The following KIZ variants were observed in gnomAD, a reference collection of about 807,000 sequenced individuals.
KIZ encodes the protein centrosomal protein kizuna.
In KIZ, 68 loss-of-function variants were observed where a neutral mutation model predicts 79.6. The observed-to-expected ratio is 0.85, with a 90% CI of 0.70 to 1.05. KIZ has a LOEUF of 1.05. KIZ is among the 50% of genes least tolerant of loss of function. KIZ has a pLI of 0.00. For synonymous variants in KIZ, 280 were observed against 281.8 expected, an observed-to-expected ratio of 0.99 and a Z score of 0.06; for missense variants, 797 against 800.4, an observed-to-expected ratio of 1.00 and a Z score of 0.05.
chr20:21,224,938 C>T lies in KIZ; in HGVS notation c.1679-4073C>T, dbSNP rs560350116. ...CACCTCTTTATTCAGCATGTTTTCA[C>T]TTTCTTTCTGTAGCTGTTTCTATTT... On this transcript the variant is annotated intron_variant, in intron 9 of 12. Transcript: ENST00000619189. Among the ~76,000 whole-genome samples, 5 of 152,238 alleles carry T rather than the reference C, an allele frequency of 3.3e-5. No homozygotes were observed. In the South Asian group the frequency reaches 1.0e-3, roughly 32 times the overall value.
chr20:21,160,100 G>A (rs1054380404), intron 4 of KIZ, among the ~76,000 whole-genome samples: 4 of 152,192 alleles, frequency 2.6e-5, no homozygotes, highest in African/African-American at 9.7e-5. Flanking sequence ...CATACCAGAA[G>A]CAGGACTCAG....
At chr20:21,190,180 A>G (rs767709367) in intron 6 of KIZ, among the ~76,000 whole-genome samples, 9 of 152,190 alleles carry the variant, frequency 5.9e-5, no homozygotes, top group Non-Finnish European at 1.2e-4. Flanking sequence ...TTCTAGTTAC[A>G]TGCTTAGATT....
At chr20:21,200,631 A>G (rs1418899998) in intron 6 of KIZ, among the ~76,000 whole-genome samples, 1 of 151,852 alleles carries the variant, frequency 6.6e-6, no homozygotes, top group South Asian at 2.1e-4. Flanking sequence ...TAAGAATCTA[A>G]TGCTCCCCCT....
chr20:21,207,765 G>A (rs1362309656), intron 7 of KIZ, among the ~76,000 whole-genome samples: 1 of 152,030 alleles, frequency 6.6e-6, no homozygotes, highest in Non-Finnish European at 1.5e-5. Context: ...GTGCAGTGGT[G>A]CAATCTCGGC....
At chr20:21,193,262 C>G (rs1446108190) in intron 6 of KIZ, among the ~76,000 whole-genome samples, 1 of 152,250 alleles carries the variant, frequency 6.6e-6, no homozygotes, top group African/African-American at 2.4e-5. Flanking sequence ...TGTGCCGCAA[C>G]TGAAACACAA....
chr20:21,214,581 G>A lies in KIZ; in HGVS notation c.1493G>A (p.Arg498Lys). Residue 498 changes from arginine (R) to lysine (K), a missense_variant, in exon 8 of 13, where the codon AGG becomes AAG. Physicochemically the swap from Arg to Lys is conservative, Grantham distance 26. Coordinates refer to ENST00000619189, the MANE Select transcript of KIZ (RefSeq NM_018474.6). ...GCCCTTACAGAAGAGTGTGGCCGTA[G>A]GTCAGCTATTCACAGTAGTGAATCA... ...RKALTEECGR[R>K]SAIHSSESSC... 1 of 1,613,448 alleles carries A rather than the reference G, an allele frequency of 6.2e-7. No homozygotes were observed. The highest frequency in any genetic ancestry group is 8.5e-7 in the Non-Finnish European group (1 of 1,179,500).
At chr20:21,158,222 A>G (rs2122637781) in intron 4 of KIZ, among the ~76,000 whole-genome samples, 1 of 152,362 alleles carries the variant, frequency 6.6e-6, no homozygotes, top group East Asian at 1.9e-4. Context: ...TATATTATGA[A>G]TACTATTCAT....
chr20:21,171,708 G>T (rs572835340), intron 6 of KIZ, among the ~76,000 whole-genome samples: 3 of 152,214 alleles, frequency 2.0e-5, no homozygotes, highest in African/African-American at 7.2e-5. Context: ...GCCTCCCAAA[G>T]TGCTGGGATT....
chr20:21,162,337 T>C lies in KIZ; in HGVS notation c.872T>C (p.Leu291Ser). ...AGTCCAGAGAACAGAACCACTGATT[T>C]AAAGTGTGACAGTTCCAGCGGATCA... ...RLSPENRTTD[L>S]KCDSSSGSEG... Residue 291 changes from leucine (L) to serine (S), a missense_variant, in exon 5 of 13, where the codon TTA (leucine) becomes TCA (serine). By Grantham distance (145) the Leu-to-Ser change is moderately radical. Transcript: ENST00000619189. The C allele has an allele frequency of 6.2e-7, 1 of 1,613,902 alleles. No homozygotes were observed. The highest frequency in any genetic ancestry group is 8.5e-7 in the Non-Finnish European group (1 of 1,179,830).
intron 6 of KIZ, among the ~76,000 whole-genome samples, chr20:21,178,958 T>C (rs1390038275): frequency 3.9e-5 from 6 of 152,158 alleles, no homozygotes; most frequent in African/African-American, 1.4e-4. Context: ...AATGTACTGC[T>C]GAATTTGGTT....
At chr20:21,169,869 T>G (rs753093655) in intron 6 of KIZ, among the ~76,000 whole-genome samples, 19 of 152,234 alleles carry the variant, frequency 1.2e-4, no homozygotes, top group Non-Finnish European at 2.4e-4. Context: ...AATGTATATT[T>G]AAGGTTATTC....
chr20:21,188,726 G>A (rs185123385), intron 6 of KIZ, among the ~76,000 whole-genome samples: 1 of 123,594 alleles, frequency 8.1e-6, no homozygotes, highest in East Asian at 2.7e-4. Flanking sequence ...TTGAGACGGA[G>A]TCTTGCCCTG....
In KIZ at chr20:21,162,436, C is replaced by G; in HGVS notation, c.971C>G (p.Pro324Arg). 1 of 1,612,708 alleles carries G rather than the reference C, an allele frequency of 6.2e-7. No homozygotes were observed. Among genetic ancestry groups the G allele is most frequent in the South Asian group, 1.1e-5 (1 of 91,004 alleles). Residue 324 changes from proline to arginine, a missense_variant, in exon 5 of 13, where the codon CCA (proline) becomes CGA (arginine). Coordinates refer to ENST00000619189, the MANE Select transcript of KIZ (RefSeq NM_018474.6). ...KRASPPVSPI[P>R]VSEYCESENK... is the part of the protein sequence containing the mutation. ...GCCAGCCCGCCAGTCTCTCCGATACCAGTTTCAGAATACTGTGAATCTGAA... is the reference window on the plus strand; with the variant it reads ...GCCAGCCCGCCAGTCTCTCCGATACGAGTTTCAGAATACTGTGAATCTGAA...
intron 11 of KIZ, among the ~76,000 whole-genome samples, chr20:21,233,329 G>A (rs1600611057): frequency 2.6e-5 from 4 of 152,076 alleles, no homozygotes. Flanking sequence ...TTTCCATAAA[G>A]AACAAAATTT....
At chr20:21,236,996 T>TAAA (rs112003553) in intron 11 of KIZ, among the ~76,000 whole-genome samples, 29 of 130,080 alleles carry the variant, frequency 2.2e-4, no homozygotes, top group African/African-American at 8.1e-4. Context: ...AGACTCTGTT[T>TAAA]AAAAAAAAAA....
intron 6 of KIZ, among the ~76,000 whole-genome samples, chr20:21,164,885 G>A (rs2033858102): frequency 6.6e-6 from 1 of 152,058 alleles, no homozygotes; most frequent in African/African-American, 2.4e-5. Flanking sequence ...TTCTGTGTCT[G>A]TATTATCAAA....
chr20:21,219,869 AT>A (rs2036444353), intron 9 of KIZ, among the ~76,000 whole-genome samples: 1 of 152,200 alleles, frequency 6.6e-6, no homozygotes, highest in Non-Finnish European at 1.5e-5. Context: ...ATTATGGAGC[AT>A]GCGAGTTTTC....
chr20:21,173,439 G>A (rs191485878), intron 6 of KIZ, among the ~76,000 whole-genome samples: 36 of 152,136 alleles, frequency 2.4e-4, no homozygotes, highest in African/African-American at 8.4e-4. Flanking sequence ...TTAGCTGGGT[G>A]TGGTGGCGGG....
At chr20:21,201,390 TA>T (rs1483713908) in intron 6 of KIZ, among the ~76,000 whole-genome samples, 1 of 152,206 alleles carries the variant, frequency 6.6e-6, no homozygotes, top group African/African-American at 2.4e-5. Flanking sequence ...ACTATCCATT[TA>T]TTTTTTTCCA....
Sources: gnomAD v4.1 joint callset for allele counts (sites outside exome capture counted in the v4.1 genomes callset) on GRCh38, gnomAD v4.1.1 for gene constraint, MANE v1.5 for transcripts, NCBI Gene and HGNC (gene_info 2026-07-23, HGNC 2026-07-21) for gene names.